ATF1: variants seen among roughly 807,000 people sequenced by gnomAD.
The protein encoded by ATF1 is cyclic AMP-dependent transcription factor ATF-1.
ATF1 carries 16 observed loss-of-function variants against 34.7 expected under a neutral mutation model. The ratio of observed to expected loss-of-function variants is 0.46; its 90% confidence interval spans 0.31 to 0.70. The LOEUF (loss-of-function observed/expected upper bound fraction) is 0.70, where lower values mean the gene tolerates loss of function less well. Among genes scored for constraint, ATF1 ranks in the 30% least tolerant of loss-of-function variants. ATF1 has a pLI of 0.05. For synonymous variants in ATF1, 105 were observed against 113.1 expected (o/e 0.93, Z 0.46); for missense variants, 255 against 321.6 (o/e 0.79, Z 1.58).
chr12:50,764,034 TCA>T (rs940676583), upstream of ATF1: 1 of 151,794 alleles, frequency 6.6e-6, no homozygotes, highest in Non-Finnish European at 1.5e-5. Flanking sequence ...ACACTAGTGC[TCA>T]GTTTTGCCCC....
chr12:50,775,772 T>G (rs1402389751), intron 1 of ATF1: 3 of 152,236 alleles, frequency 2.0e-5, no homozygotes, highest in Non-Finnish European at 2.9e-5. Context: ...CTCTGTATTC[T>G]AATTTATGTC....
At chr12:50,812,696 C>T (rs1256996637) in intron 4 of ATF1, among the ~76,000 whole-genome samples, 1 of 151,944 alleles carries the variant, frequency 6.6e-6, no homozygotes, top group Non-Finnish European at 1.5e-5. Flanking sequence ...TGTCCGTGTG[C>T]ATCTATAGTT....
At chr12:50,806,933 A>G (rs1424539155) in intron 3 of ATF1, among the ~76,000 whole-genome samples, 2 of 152,216 alleles carry the variant, frequency 1.3e-5, no homozygotes, top group Admixed American at 6.5e-5. Flanking sequence ...TTCTCTTAAT[A>G]TAGTCTACAG....
chr12:50,771,548 A>T (rs530514744), intron 1 of ATF1, among the ~76,000 whole-genome samples: 1 of 152,220 alleles, frequency 6.6e-6, no homozygotes, highest in Admixed American at 6.5e-5. Context: ...GTTATAGAAG[A>T]TGGATCTTCG....
At chr12:50,784,393 A>G (rs1941139369) in intron 2 of ATF1, among the ~76,000 whole-genome samples, 1 of 152,098 alleles carries the variant, frequency 6.6e-6, no homozygotes, top group African/African-American at 2.4e-5. Flanking sequence ...CTTTTTATAC[A>G]AGGTAGACAG....
intron 4 of ATF1, among the ~76,000 whole-genome samples, chr12:50,812,038 G>A (rs1485899544): frequency 6.6e-6 from 1 of 151,992 alleles, no homozygotes; most frequent in African/African-American, 2.4e-5. Context: ...ATGGCTGGTG[G>A]GACTGAGAAA....
chr12:50,805,527 C>A (rs1408770600), intron 3 of ATF1, among the ~76,000 whole-genome samples: 1 of 141,424 alleles, frequency 7.1e-6, no homozygotes, highest in Non-Finnish European at 1.5e-5. Context: ...CACTTTACTC[C>A]AGCCTAGGTG....
intron 3 of ATF1, among the ~76,000 whole-genome samples, chr12:50,802,384 G>A (rs912219825): frequency 7.8e-4 from 119 of 152,144 alleles, no homozygotes; most frequent in African/African-American, 2.7e-3. Context: ...AATTAGCCAG[G>A]CCTGGTGGCA....
intron 3 of ATF1, among the ~76,000 whole-genome samples, chr12:50,800,754 CT>C (rs1353267533): frequency 6.6e-6 from 1 of 152,208 alleles, no homozygotes. Flanking sequence ...GAAAAATTGT[CT>C]TCCACGAAAC....
In ATF1 at chr12:50,816,342, A is replaced by G. The variant is rs569724550; in HGVS notation, c.671+1903A>G. Among the ~76,000 whole-genome samples, 21 of 152,050 alleles carry G rather than the reference A, an allele frequency of 1.4e-4. 1 individual carries two copies. In the South Asian group the frequency reaches 3.5e-3, roughly 26 times the overall value. ...TCAAGAAAAAAGAGAGAATGGAAAA[A>G]TAGGTAACAGAGACTGGGAACGGTG... On this transcript the variant is annotated intron_variant, in intron 6 of 6. Coordinates refer to ENST00000262053, the MANE Select transcript of ATF1 (RefSeq NM_005171.5).
Position 50,814,300 on chromosome 12 carries a change from A to G in ATF1, c.532A>G (p.Thr178Ala). 6.2e-7 allele frequency: 1 copy of G among 1,614,192 alleles called. No homozygotes were observed. Among genetic ancestry groups the G allele is most frequent in the Non-Finnish European group, 8.5e-7 (1 of 1,180,022 alleles). ...TCTAGCTGCATCAGGAGATATGCAA[A>G]CATATCAGATCCGAACTACACCTTC... ...VVQTASGDMQTYQIRTTPSAT... is the reference protein window; with the variant it reads ...VVQTASGDMQAYQIRTTPSAT... Residue 178 changes from threonine to alanine, a missense_variant, in exon 6 of 7, where the codon ACA becomes GCA. Coordinates refer to ENST00000262053, the MANE Select transcript of ATF1 (RefSeq NM_005171.5).
At position 50,780,266 on chromosome 12, in the gene ATF1, A is replaced by C. The variant is rs778112866; in HGVS notation, c.93+28A>C. The C allele has an allele frequency of 2.0e-5, 30 of 1,496,296 alleles. No individual in the cohort carries two copies. The African/African-American group carries it at 3.9e-4, about 19-fold the overall frequency. The allele number at this position is 1,496,296 out of a possible 1,614,324, so 92.7% of individuals were successfully genotyped here. A position where few individuals can be genotyped will look rare whatever the true frequency, so the allele number is the denominator to read the frequency against. ...AAGGGAGGGACTGGCCAAAATACTG[A>C]GCTTGTTAGGAATATTTTATATGCA... is the stretch of plus-strand genomic sequence containing the variant. On this transcript the variant is annotated intron_variant, in intron 2 of 6. Transcript: ENST00000262053.
At chr12:50,811,031 C>T (rs916346647) in intron 4 of ATF1, among the ~76,000 whole-genome samples, 11 of 152,360 alleles carry the variant, frequency 7.2e-5, no homozygotes, top group African/African-American at 2.6e-4. Flanking sequence ...TCTCCTGCCA[C>T]TTGGTGGCAT....
intron 6 of ATF1, among the ~76,000 whole-genome samples, chr12:50,815,506 C>T (rs749828554): frequency 2.0e-5 from 3 of 152,096 alleles, no homozygotes; most frequent in Non-Finnish European, 4.4e-5. Flanking sequence ...CCAGCTCGGC[C>T]TCCCAAGTAG....
intron 2 of ATF1, among the ~76,000 whole-genome samples, chr12:50,789,859 A>G (rs1592182774): frequency 6.6e-6 from 1 of 152,152 alleles, no homozygotes; most frequent in African/African-American, 2.4e-5. Context: ...GGGGTTGGGA[A>G]GAGAATCAGG....
At chr12:50,772,403 C>T (rs1391641253) in intron 1 of ATF1, among the ~76,000 whole-genome samples, 3 of 150,190 alleles carry the variant, frequency 2.0e-5, no homozygotes, top group African/African-American at 7.4e-5. Context: ...CTCGGCTCAC[C>T]GCAACCTACG....
At position 50,775,324 on chromosome 12, in the gene ATF1, GT is replaced by G. The variant is rs575652099; in HGVS notation, c.-6-4806del. Among the ~76,000 whole-genome samples the G allele has an allele frequency of 2.2e-3, 325 of 150,026 alleles. 2 individuals carry two copies. The highest frequency in any genetic ancestry group is 7.7e-3 in the African/African-American group (314 of 40,654). On this transcript the variant is annotated intron_variant, in intron 1 of 6. Transcript: ENST00000262053. ...AGTGGCTTTTACTGTTGATATGTGTGTTTTTTTTTTGATCATATTAGTTTCT... is the reference window on the plus strand; with the variant it reads ...AGTGGCTTTTACTGTTGATATGTGTGTTTTTTTTTGATCATATTAGTTTCT...
intron 3 of ATF1, among the ~76,000 whole-genome samples, chr12:50,797,464 A>G (rs1333979256): frequency 6.6e-6 from 1 of 152,124 alleles, no homozygotes; most frequent in African/African-American, 2.4e-5. Flanking sequence ...TAAAATCCTT[A>G]TTTTTATCTT....
At chr12:50,819,467 C>T (rs1941905152) in intron 6 of ATF1, among the ~76,000 whole-genome samples, 168 bp from the exon 7 acceptor site, 1 of 152,108 alleles carries the variant, frequency 6.6e-6, no homozygotes, top group Non-Finnish European at 1.5e-5. Flanking sequence ...CAGGTATACA[C>T]AATTGCCAAA....
Sources: gnomAD v4.1 joint callset for allele counts (sites outside exome capture counted in the v4.1 genomes callset) on GRCh38, gnomAD v4.1.1 for gene constraint, MANE v1.5 for transcripts, NCBI Gene and HGNC (gene_info 2026-07-23, HGNC 2026-07-21) for gene names.